The following HERC3 variants were observed in gnomAD, a reference collection of about 807,000 sequenced individuals.
HERC3 encodes probable E3 ubiquitin-protein ligase HERC3.
In HERC3, 58 loss-of-function variants were observed where a neutral mutation model predicts 129.9. That is an observed-to-expected ratio of 0.45 (90% CI 0.36 to 0.56). The LOEUF (loss-of-function observed/expected upper bound fraction) is 0.56. Among genes scored for constraint, HERC3 ranks in the 20% least tolerant of loss-of-function variants. The pLI is 0.00. For synonymous variants in HERC3, 430 were observed against 451.0 expected, an observed-to-expected ratio of 0.95 and a Z score of 0.59; for missense variants, 835 against 1,244.2, an observed-to-expected ratio of 0.67 and a Z score of 4.95.
intron 3 of HERC3, among the ~76,000 whole-genome samples, chr4:88,611,366 G>A: frequency 6.6e-6 from 1 of 152,328 alleles, no homozygotes; most frequent in Admixed American, 6.5e-5. Context: ...AGACATGGAA[G>A]GGAAGTCTGT....
intron 16 of HERC3, among the ~76,000 whole-genome samples, chr4:88,672,504 T>C (rs145574857): frequency 8.1e-4 from 123 of 152,356 alleles, no homozygotes; most frequent in Middle Eastern, 3.4e-3. Flanking sequence ...TAATTTAAAA[T>C]ACTAAAGCTA....
the HERC3 span, among the ~76,000 whole-genome samples, chr4:88,553,980 G>A: frequency 6.6e-6 from 1 of 152,166 alleles, no homozygotes; most frequent in African/African-American, 2.4e-5. Context: ...ATGGCAATGT[G>A]GTGCTTAATA....
chr4:88,560,085 A>T, the HERC3 span, among the ~76,000 whole-genome samples: 5 of 151,004 alleles, frequency 3.3e-5, no homozygotes, highest in East Asian at 2.0e-4. Flanking sequence ...TCAGCCTCCC[A>T]AGTAGCTAGG....
the HERC3 span, among the ~76,000 whole-genome samples, chr4:88,539,992 C>A: frequency 5.9e-5 from 9 of 152,168 alleles, no homozygotes; most frequent in Non-Finnish European, 1.2e-4. Context: ...GAAACCAGAG[C>A]AGAAAAGCTG....
chr4:88,693,684 CTA>C (rs1734303701), intron 23 of HERC3: 10 of 984,370 alleles, frequency 1.0e-5, no homozygotes, highest in Non-Finnish European at 1.2e-5. Flanking sequence ...GTAAATGTGT[CTA>C]TGTGTATGCA....
intron 3 of HERC3, among the ~76,000 whole-genome samples, chr4:88,613,133 A>G (rs891545358): frequency 6.6e-6 from 1 of 152,186 alleles, no homozygotes; most frequent in Admixed American, 6.5e-5. Context: ...CTTTCTCCCT[A>G]TCTTGAATAG....
Position 88,632,954 on chromosome 4 carries a change from T to G in HERC3, c.227-16886T>G, listed in dbSNP as rs952960060. ...TTCAGACACATCATAATCAAACTTC[T>G]AAAAATTAAGGCAAAGAAAATACTT... On this transcript the variant is annotated intron_variant, in intron 3 of 25. Transcript: ENST00000402738. Among the ~76,000 whole-genome samples the G allele has an allele frequency of 7.2e-5, 11 of 152,072 alleles. No homozygotes were observed. In the East Asian group the frequency reaches 1.5e-3, roughly 21 times the overall value.
the HERC3 span, among the ~76,000 whole-genome samples, chr4:88,552,283 A>T: frequency 0.11 from 14,289 of 130,042 alleles, 2,202 homozygotes; most frequent in African/African-American, 0.38. Flanking sequence ...TTAAAGTATA[A>T]AAAAAAAAAA....
intron 1 of HERC3, among the ~76,000 whole-genome samples, chr4:88,593,875 T>A (rs1169050916): frequency 3.9e-5 from 6 of 152,236 alleles, no homozygotes; most frequent in Non-Finnish European, 7.3e-5. Context: ...TTTTGTACTT[T>A]CCTTTACCCT....
chr4:88,661,911 C>G (rs150555701), intron 10 of HERC3, among the ~76,000 whole-genome samples: 112 of 152,158 alleles, frequency 7.4e-4, no homozygotes, highest in African/African-American at 2.6e-3. Flanking sequence ...CCTTAAAAAC[C>G]TGCTGTTACA....
At chr4:88,690,412 A>G in intron 23 of HERC3, 1 of 985,298 alleles carries the variant, frequency 1.0e-6, no homozygotes. Flanking sequence ...GTATGTAGAT[A>G]CATACGTAAC....
intron 3 of HERC3, among the ~76,000 whole-genome samples, chr4:88,628,220 A>C (rs1318448921): frequency 6.6e-6 from 1 of 152,154 alleles, no homozygotes; most frequent in Non-Finnish European, 1.5e-5. Context: ...ATGAATTTTT[A>C]AGCTCTGTAG....
intron 3 of HERC3, among the ~76,000 whole-genome samples, chr4:88,628,633 A>T (rs1460926969): frequency 6.6e-6 from 1 of 152,238 alleles, no homozygotes; most frequent in Non-Finnish European, 1.5e-5. Flanking sequence ...CATATTATCA[A>T]ATGTTTCACA....
intron 3 of HERC3, among the ~76,000 whole-genome samples, chr4:88,610,555 G>T (rs947703207): frequency 5.9e-5 from 9 of 152,008 alleles, no homozygotes; most frequent in African/African-American, 9.7e-5. Flanking sequence ...AGTTGCTCTG[G>T]TTCACACGCC....
In HERC3 at chr4:88,697,607, G is replaced by GACCAGCCGCGCTGTCAGGGTC. The variant is rs561100902; in HGVS notation, c.2658-6474_2658-6454dup. On this transcript the variant is annotated intron_variant, in intron 23 of 25. Transcript: ENST00000402738. ...GGGGTCTGGGGCTCCTCAGCCATCT[G>GACCAGCCGCGCTGTCAGGGTC]ACCAGCCGCGCTGTCAGGGTCACCA... 1.6e-4 allele frequency: 263 copies of GACCAGCCGCGCTGTCAGGGTC among 1,613,772 alleles called. 1 individual carries two copies. The highest frequency in any genetic ancestry group is 2.1e-4 in the Non-Finnish European group (248 of 1,180,008).
At chr4:88,594,623 G>A (rs995169072) in intron 1 of HERC3, among the ~76,000 whole-genome samples, 2 of 152,132 alleles carry the variant, frequency 1.3e-5, no homozygotes, top group Non-Finnish European at 1.5e-5. Flanking sequence ...TTGCCATGTT[G>A]CTCAGGCTGA....
intron 2 of HERC3, among the ~76,000 whole-genome samples, chr4:88,604,939 A>G (rs559179624): frequency 6.6e-6 from 1 of 151,986 alleles, no homozygotes; most frequent in African/African-American, 2.4e-5. Context: ...GTAGCGAGAG[A>G]TGAGATTTTT....
chr4:88,648,295 CTGTG>C (rs1337712682), intron 3 of HERC3, among the ~76,000 whole-genome samples: 1 of 152,146 alleles, frequency 6.6e-6, no homozygotes, highest in Non-Finnish European at 1.5e-5. Context: ...TCCTTCCTGT[CTGTG>C]TAAGATTCCT....
intron 3 of HERC3, among the ~76,000 whole-genome samples, chr4:88,638,997 A>G (rs1727766632): frequency 6.6e-6 from 1 of 152,168 alleles, no homozygotes; most frequent in Admixed American, 6.5e-5. Flanking sequence ...CACAGTTGTT[A>G]CAAAGAGAAT....
Sources: allele counts gnomAD v4.1 joint callset (sites outside exome capture counted in the v4.1 genomes callset), GRCh38; gene constraint gnomAD v4.1.1; transcripts MANE v1.5; gene names NCBI Gene and HGNC (gene_info 2026-07-23, HGNC 2026-07-21).